MCTP2: variants seen among roughly 807,000 people sequenced by gnomAD.
The protein encoded by MCTP2 is multiple C2 and transmembrane domain containing 2, also known as multiple C2 and transmembrane domain-containing protein 2.
In MCTP2, 132 loss-of-function variants were observed where a neutral mutation model predicts 111.6. The observed-to-expected ratio is 1.18, with a 90% CI of 1.03 to 1.37. The LOEUF (loss-of-function observed/expected upper bound fraction) is 1.37, where lower values mean the gene tolerates loss of function less well. MCTP2 is among the 40% of genes most tolerant of loss of function. The pLI is 0.00. For synonymous variants in MCTP2, 395 were observed against 387.7 expected, an observed-to-expected ratio of 1.02 and a Z score of -0.22; for missense variants, 1,183 against 1,067.9, an observed-to-expected ratio of 1.11 and a Z score of -1.50.
chr15:94,263,519 G>A (rs1039228823), intron 1 of MCTP2, among the ~76,000 whole-genome samples: 7 of 152,086 alleles, frequency 4.6e-5, no homozygotes, highest in African/African-American at 7.2e-5. Flanking sequence ...TATGACTTAC[G>A]CCCGAATGAA....
At chr15:94,360,042 C>T (rs2152427888) in intron 10 of MCTP2, among the ~76,000 whole-genome samples, 1 of 152,322 alleles carries the variant, frequency 6.6e-6, no homozygotes, top group East Asian at 1.9e-4. Context: ...GGAAAACACA[C>T]AAGCATATGT....
chr15:94,344,948 C>T (rs2077886019), intron 7 of MCTP2, among the ~76,000 whole-genome samples, 181 bp from the exon 8 acceptor site: 1 of 152,138 alleles, frequency 6.6e-6, no homozygotes, highest in Non-Finnish European at 1.5e-5. Context: ...ATACATGTGA[C>T]TCTTTGTTGT....
intron 8 of MCTP2, among the ~76,000 whole-genome samples, chr15:94,345,949 G>T (rs1280866714): frequency 6.6e-6 from 1 of 152,124 alleles, no homozygotes; most frequent in Admixed American, 6.5e-5. Flanking sequence ...GTGATCGGAA[G>T]ATGTACAGAT....
intron 1 of MCTP2, among the ~76,000 whole-genome samples, chr15:94,232,313 T>G (rs1208165801): frequency 6.6e-6 from 1 of 152,146 alleles, no homozygotes; most frequent in East Asian, 1.9e-4. Context: ...AAAGAGGTTT[T>G]CTCTAGTCTG....
chr15:94,314,344 T>C lies in MCTP2; in HGVS notation c.528T>C (p.Ser176=), dbSNP rs773480246. The change falls in exon 3 of 23, where the codon TCT becomes TCC. Residue 176 remains serine (S), a splice_region_variant and synonymous_variant. Coordinates refer to ENST00000357742, the MANE Select transcript of MCTP2 (RefSeq NM_001385001.1). ...SMTSQHFEEQ[S]VPGEASDGLS... is the part of the protein sequence containing the mutation. Reference sequence around the variant, plus strand: ...CATCTCAACATTTTGAAGAACAATCTGTGAGTGGCATTCCTTAAAAAGAAA... The same window carrying C: ...CATCTCAACATTTTGAAGAACAATCCGTGAGTGGCATTCCTTAAAAAGAAA... 1 of 1,593,278 alleles carries C rather than the reference T, an allele frequency of 6.3e-7. No individual in the cohort carries two copies.
chr15:94,298,788 CT>C, intron 2 of MCTP2, 58 bp downstream of exon 2: 1 of 1,136,072 alleles, frequency 8.8e-7, no homozygotes, highest in East Asian at 2.6e-5. Context: ...CTCTTTCCCT[CT>C]CTTTCTCCCT....
intron 1 of MCTP2, among the ~76,000 whole-genome samples, chr15:94,259,667 A>G (rs1476961384): frequency 6.6e-6 from 1 of 152,218 alleles, no homozygotes; most frequent in East Asian, 1.9e-4. Context: ...TCTGAACTCC[A>G]AAAACAAACC....
intron 11 of MCTP2, among the ~76,000 whole-genome samples, chr15:94,368,625 A>G (rs1034768575): frequency 6.6e-6 from 1 of 152,220 alleles, no homozygotes; most frequent in Non-Finnish European, 1.5e-5. Context: ...CGGGAGTACA[A>G]GACCTAGCCA....
intron 8 of MCTP2, among the ~76,000 whole-genome samples, chr15:94,351,713 G>A (rs776951504): frequency 1.3e-5 from 2 of 152,138 alleles, no homozygotes; most frequent in African/African-American, 4.8e-5. Flanking sequence ...TTCTCTCTTT[G>A]TTGGTTGGCT....
chr15:94,423,224 A>G (rs2082710790), intron 17 of MCTP2, among the ~76,000 whole-genome samples: 1 of 152,192 alleles, frequency 6.6e-6, no homozygotes, highest in Non-Finnish European at 1.5e-5. Flanking sequence ...TTATAAAAAC[A>G]TGATGGCAGC....
chr15:94,358,996 G>T (rs563109779), intron 10 of MCTP2, among the ~76,000 whole-genome samples: 1 of 152,210 alleles, frequency 6.6e-6, no homozygotes, highest in East Asian at 1.9e-4. Context: ...GAAGCATTTC[G>T]CTGTCCTTGA....
At chr15:94,256,664 G>C (rs2072791551) in intron 1 of MCTP2, among the ~76,000 whole-genome samples, 1 of 152,114 alleles carries the variant, frequency 6.6e-6, no homozygotes, top group Non-Finnish European at 1.5e-5. Context: ...AGAAGTAAGG[G>C]ACCTTTCTGA....
At position 94,333,676 on chromosome 15, in the gene MCTP2, G is replaced by C. The variant is rs2077230068; in HGVS notation, c.638-5614G>C. Among the ~76,000 whole-genome samples the C allele has an allele frequency of 3.3e-5, 5 of 152,150 alleles. No homozygotes were observed. In the South Asian group the frequency reaches 1.0e-3, roughly 31 times the overall value. On this transcript the variant is annotated intron_variant, in intron 4 of 22. Coordinates refer to ENST00000357742, the MANE Select transcript of MCTP2 (RefSeq NM_001385001.1). ...AAATCTTCAAATTCTATAGTTCTTGGTGACTCTTTCCTGATGATAGACTTG... is the reference window on the plus strand; with the variant it reads ...AAATCTTCAAATTCTATAGTTCTTGCTGACTCTTTCCTGATGATAGACTTG...
chr15:94,376,318 C>G (rs1335006964), intron 12 of MCTP2, among the ~76,000 whole-genome samples: 1 of 152,164 alleles, frequency 6.6e-6, no homozygotes, highest in African/African-American at 2.4e-5. Context: ...GTGTCCAGTT[C>G]AATGATTTAT....
intron 1 of MCTP2, among the ~76,000 whole-genome samples, chr15:94,272,818 T>C (rs2073979120): frequency 6.6e-6 from 1 of 152,200 alleles, no homozygotes. Flanking sequence ...TGGAGTTCTT[T>C]AAGGCTAATC....
At chr15:94,283,798 C>T (rs2074616895) in intron 1 of MCTP2, among the ~76,000 whole-genome samples, 1 of 152,068 alleles carries the variant, frequency 6.6e-6, no homozygotes, top group South Asian at 2.1e-4. Context: ...TTGGCTGGTC[C>T]CCACCTTGAG....
At chr15:94,297,657 G>A (rs1331193742) in intron 1 of MCTP2, among the ~76,000 whole-genome samples, 1 of 152,150 alleles carries the variant, frequency 6.6e-6, no homozygotes, top group Admixed American at 6.5e-5. Context: ...TTACAACACA[G>A]CCACATTCTT....
intron 17 of MCTP2, among the ~76,000 whole-genome samples, chr15:94,417,801 A>C (rs1412458993): frequency 6.6e-6 from 1 of 152,086 alleles, no homozygotes; most frequent in African/African-American, 2.4e-5. Flanking sequence ...ATGATTCCTA[A>C]AGGAATTGTA....
At chr15:94,345,284 T>G (rs1464375457) in intron 8 of MCTP2, 120 bp downstream of exon 8, 1 of 966,900 alleles carries the variant, frequency 1.0e-6, no homozygotes, top group African/African-American at 1.7e-5. Context: ...TCTTTTCCTC[T>G]TACTGCTGTT....
Sources: gnomAD v4.1 joint callset for allele counts (sites outside exome capture counted in the v4.1 genomes callset) on GRCh38, gnomAD v4.1.1 for gene constraint, MANE v1.5 for transcripts, NCBI Gene and HGNC (gene_info 2026-07-23, HGNC 2026-07-21) for gene names.